PCDHGB3: variants seen among roughly 807,000 people sequenced by gnomAD.
PCDHGB3 encodes protocadherin gamma-B3.
A neutral mutation model predicts 59.2 loss-of-function variants in PCDHGB3; 40 were observed. The ratio of observed to expected loss-of-function variants is 0.68; its 90% CI spans 0.52 to 0.88. The LOEUF is 0.88. PCDHGB3 is among the 40% of genes least tolerant of loss of function. The pLI is 0.00. For missense variants in PCDHGB3, 1,309 were observed against 1,187.9 expected, an observed-to-expected ratio of 1.10 and a Z score of -1.50; for synonymous variants, 581 against 503.6, an observed-to-expected ratio of 1.15 and a Z score of -2.06.
chr5:141,451,582 T>C (rs1361047985), intron 1 of PCDHGB3, among the ~76,000 whole-genome samples: 1 of 152,012 alleles, frequency 6.6e-6, no homozygotes, highest in Non-Finnish European at 1.5e-5. Flanking sequence ...TAAACCTAAT[T>C]TTGAAAGTGA....
intron 1 of PCDHGB3, among the ~76,000 whole-genome samples, chr5:141,475,532 T>C (rs1011968434): frequency 6.6e-6 from 1 of 152,228 alleles, no homozygotes; most frequent in East Asian, 1.9e-4. Context: ...AAATGCCTCC[T>C]TACAAGTAGG....
chr5:141,498,105 G>C (rs150297456), intron 2 of PCDHGB3, among the ~76,000 whole-genome samples: 1 of 152,324 alleles, frequency 6.6e-6, no homozygotes, highest in East Asian at 1.9e-4. Flanking sequence ...TGGTGTGGGC[G>C]TATAATAGGG....
intron 1 of PCDHGB3, chr5:141,421,975 G>T: frequency 6.2e-7 from 1 of 1,610,052 alleles, no homozygotes; most frequent in African/African-American, 1.3e-5. Context: ...CGTATATCGC[G>T]TGAGTGTTCC....
chr5:141,374,158 G>A (rs1471227184), intron 1 of PCDHGB3: 6 of 1,612,290 alleles, frequency 3.7e-6, no homozygotes, highest in African/African-American at 1.3e-5. Context: ...CGCTGTGGGG[G>A]GCCGCGGCAG....
At chr5:141,464,838 A>G (rs2099091245) in intron 1 of PCDHGB3, among the ~76,000 whole-genome samples, 1 of 152,182 alleles carries the variant, frequency 6.6e-6, no homozygotes, top group African/African-American at 2.4e-5. Context: ...TCCTGGGCTC[A>G]AGCAATCCTC....
chr5:141,394,405 T>C, intron 1 of PCDHGB3: 2 of 1,614,222 alleles, frequency 1.2e-6, no homozygotes, highest in Non-Finnish European at 1.7e-6. Context: ...CTGCAGCTAC[T>C]GGTAACAGCC....
chr5:141,392,416 T>C (rs576614359), intron 1 of PCDHGB3: 1 of 157,618 alleles, frequency 6.3e-6, no homozygotes, highest in African/African-American at 2.4e-5. Flanking sequence ...AAAACCTTCA[T>C]CTCACATTCT....
rs1766988791 is a variant in PCDHGB3, at chr5:141,370,517, G to T, written c.123G>T (p.Leu41=). ...TCCGCTACGCTATTCCCGAGGAGCTGGACAGGGGCTCGCTGGTAGGGAACC... is the reference window on the plus strand; with the variant it reads ...TCCGCTACGCTATTCCCGAGGAGCTTGACAGGGGCTCGCTGGTAGGGAACC... The part of the protein sequence containing the change: ...EPIRYAIPEE[L]DRGSLVGNLA... The change falls in exon 1 of 4, where the codon CTG becomes CTT. Residue 41 remains leucine, a synonymous_variant. Transcript: ENST00000576222. 1 of 1,613,762 alleles carries T rather than the reference G, an allele frequency of 6.2e-7. No individual in the cohort carries two copies. Among genetic ancestry groups the T allele is most frequent in the African/African-American group, 1.3e-5 (1 of 74,918 alleles).
In PCDHGB3 at chr5:141,490,378, G is replaced by A; in HGVS notation, c.2416-4429G>A. On this transcript the variant is annotated intron_variant, in intron 1 of 3. Transcript: ENST00000576222. The surrounding 1 kb of genome is among the most constrained non-coding windows in gnomAD (Gnocchi z 5.4). The stretch of plus-strand genomic sequence containing the variant: ...GTTTAATGTGCGAGACCGGGACTCA[G>A]GTAGAAATGGTGAAGTGAGCCTTGA... 1 of 1,614,214 alleles carries A rather than the reference G, an allele frequency of 6.2e-7. No homozygotes were observed. The highest frequency in any genetic ancestry group is 1.1e-5 in the South Asian group (1 of 91,086).
intron 3 of PCDHGB3, chr5:141,508,179 AG>A (rs1250335236): frequency 1.3e-5 from 2 of 152,326 alleles, no homozygotes; most frequent in Non-Finnish European, 2.9e-5. Flanking sequence ...ACAGGAGAGA[AG>A]GCATCACCCC....
At chr5:141,405,442 CAG>C in intron 1 of PCDHGB3, 1 of 1,378,150 alleles carries the variant, frequency 7.3e-7, no homozygotes, top group South Asian at 1.3e-5. Context: ...GTTTTTGAGA[CAG>C]AGTCTTACTC....
In PCDHGB3 at chr5:141,486,217, T is replaced by C; in HGVS notation, c.2416-8590T>C. ...TGCTGGACGTAAATGACAATGCCCC[T>C]TACATCACAGTGACCTCAGAGCTTG... On this transcript the variant is annotated intron_variant, in intron 1 of 3. Coordinates refer to ENST00000576222, the MANE Select transcript of PCDHGB3 (RefSeq NM_018924.5). The surrounding 1 kb of genome is among the most constrained non-coding windows in gnomAD (Gnocchi z 5.0). The C allele has an allele frequency of 6.2e-7, 1 of 1,614,120 alleles. No homozygotes were observed.
chr5:141,394,321 C>T lies in PCDHGB3; in HGVS notation c.2415+21512C>T, dbSNP rs11575959. ...ACGCTGCAGGGGGCGCCCCTGTCCT[C>T]GTATATCTCCATCAACTCTGACACC... On this transcript the variant is annotated intron_variant, in intron 1 of 3. Coordinates refer to ENST00000576222, the MANE Select transcript of PCDHGB3 (RefSeq NM_018924.5). 25 of 1,613,846 alleles carry T rather than the reference C, an allele frequency of 1.5e-5. No homozygotes were observed. The Admixed American group carries it at 2.7e-4, about 17-fold the overall frequency.
In PCDHGB3 at chr5:141,432,293, G is replaced by T. The variant is rs765631138; in HGVS notation, c.2415+59484G>T. ...CTACGTGTCCATCAACTCCGACACT[G>T]GGGTACTGTATGCGCTGAGCTCCTT... On this transcript the variant is annotated intron_variant, in intron 1 of 3. Coordinates refer to ENST00000576222, the MANE Select transcript of PCDHGB3 (RefSeq NM_018924.5). The surrounding 1 kb of genome is among the most constrained non-coding windows in gnomAD (Gnocchi z 6.0). 1.2e-6 allele frequency: 2 copies of T among 1,614,136 alleles called. No individual in the cohort carries two copies. Among genetic ancestry groups the T allele is most frequent in the African/African-American group, 1.3e-5 (1 of 74,950 alleles).
intron 2 of PCDHGB3, among the ~76,000 whole-genome samples, chr5:141,504,402 G>A (rs2099837969): frequency 6.6e-6 from 1 of 152,170 alleles, no homozygotes; most frequent in Admixed American, 6.6e-5. Context: ...AGCCAGTGTG[G>A]TGGAGGAACA....
chr5:141,438,901 G>A (rs1039951275), intron 1 of PCDHGB3, among the ~76,000 whole-genome samples: 2 of 151,746 alleles, frequency 1.3e-5, no homozygotes, highest in African/African-American at 2.4e-5. Flanking sequence ...CCTGACCTCA[G>A]GTGATCCACC....
rs1304554303 is a variant in PCDHGB3, at chr5:141,403,611, C to G, written c.2415+30802C>G. 3 of 1,613,860 alleles carry G rather than the reference C, an allele frequency of 1.9e-6. No homozygotes were observed. The highest frequency in any genetic ancestry group is 2.5e-6 in the Non-Finnish European group (3 of 1,179,892). Reference sequence around the variant, plus strand: ...CTCACGGCCTCGGATGGCGGCGAGCCGCGTCGCTCCAGCACAGTGCGCATC... The same window carrying G: ...CTCACGGCCTCGGATGGCGGCGAGCGGCGTCGCTCCAGCACAGTGCGCATC... On this transcript the variant is annotated intron_variant, in intron 1 of 3. Transcript: ENST00000576222.
chr5:141,399,412 T>C (rs1473017519), intron 1 of PCDHGB3: 3 of 1,613,948 alleles, frequency 1.9e-6, no homozygotes, highest in East Asian at 4.5e-5. Context: ...GCCGCCCCTC[T>C]CCTCCAGCAT....
At chr5:141,410,041 G>A (rs763879404) in intron 1 of PCDHGB3, 2 of 1,613,228 alleles carry the variant, frequency 1.2e-6, no homozygotes, top group East Asian at 2.2e-5. Flanking sequence ...AGGCCAGTGA[G>A]CCCGGACTCT....
Sources: gnomAD v4.1 joint callset for allele counts (sites outside exome capture counted in the v4.1 genomes callset) on GRCh38, gnomAD v4.1.1 for gene constraint, Gnocchi (gnomAD v3.1) non-coding constraint, MANE v1.5 for transcripts, NCBI Gene and HGNC (gene_info 2026-07-23, HGNC 2026-07-21) for gene names.